Variants in VIM observed in about 807,000 individuals in gnomAD.
The protein encoded by VIM is epididymis secretory sperm binding protein.
In VIM, 18 loss-of-function variants were observed where a neutral mutation model predicts 50.3. That is an observed-to-expected ratio of 0.36 (90% CI 0.25 to 0.53). The LOEUF is 0.53. VIM is among the 20% of genes least tolerant of loss of function. The pLI is 0.91. For missense variants in VIM, 551 were observed against 614.7 expected (o/e 0.90, Z 1.10); for synonymous variants, 245 against 248.5 (o/e 0.99, Z 0.13).
chr10:17,235,789 C>A, intron 7 of VIM, 57 bp from the exon 8 acceptor site: 2 of 1,512,014 alleles, frequency 1.3e-6, no homozygotes, highest in South Asian at 1.1e-5. Flanking sequence ...TTAATTTGTT[C>A]CCAGTGGTTG....
chr10:17,235,557 G>T, intron 7 of VIM, 168 bp downstream of exon 7: 1 of 811,392 alleles, frequency 1.2e-6, no homozygotes, highest in Non-Finnish European at 2.0e-6. Context: ...TAAGTGACTT[G>T]CTGAAAAAGG....
At position 17,236,005 on chromosome 10, in the gene VIM, T is replaced by C; in HGVS notation, c.1273+116T>C. ...AAAAATGCCATATAAGAGAAAACTCTATAAAACATCTATAATTTTCGAACC... is the reference window on the plus strand; with the variant it reads ...AAAAATGCCATATAAGAGAAAACTCCATAAAACATCTATAATTTTCGAACC... On this transcript the variant is annotated intron_variant, in intron 8 of 9. Transcript: ENST00000544301. 3 of 1,156,292 alleles carry C rather than the reference T, an allele frequency of 2.6e-6. No homozygotes were observed. The Admixed American group carries it at 5.8e-5, about 22-fold the overall frequency. The allele number at this position is 1,156,292 out of a possible 1,614,324, so 71.6% of individuals were successfully genotyped here.
At chr10:17,236,259 G>A (rs766896170) in intron 8 of VIM, 35 bp from the exon 9 acceptor site, 65 of 1,525,158 alleles carry the variant, frequency 4.3e-5, no homozygotes, top group Middle Eastern at 1.7e-4. Flanking sequence ...GAAAAAACTC[G>A]TTTTTACTCA....
rs770476760 is a variant in VIM at position 17,229,995 on chromosome 10, C to T, written c.563+10C>T. The T allele has an allele frequency of 6.2e-7, 1 of 1,605,670 alleles. No individual in the cohort carries two copies. Among genetic ancestry groups the T allele is most frequent in the East Asian group, 2.2e-5 (1 of 44,584 alleles). On this transcript the variant is annotated intron_variant, in intron 2 of 9. Transcript: ENST00000544301. Reference sequence around the variant, plus strand: ...TGCGCCTCCGGGAGAAGTAAGGCTGCGCCCATGCAAGTAGCTGGGCCTCGG... The same window carrying T: ...TGCGCCTCCGGGAGAAGTAAGGCTGTGCCCATGCAAGTAGCTGGGCCTCGG...
At chr10:17,230,598 C>A (rs762996660) in intron 2 of VIM, 52 bp from the exon 3 acceptor site, 1 of 1,607,128 alleles carries the variant, frequency 6.2e-7, no homozygotes, top group African/African-American at 1.3e-5. Context: ...TGTGGCCGCC[C>A]CGCCCCTGGC....
chr10:17,237,093 T>C (rs1035345266), intron 9 of VIM, 137 bp from the exon 10 acceptor site: 6 of 792,636 alleles, frequency 7.6e-6, no homozygotes, highest in Admixed American at 4.9e-5. Flanking sequence ...TTTTCACTCA[T>C]GCAGAAGCAA....
At chr10:17,235,016 T>C (rs1846862425) in intron 6 of VIM, 153 bp from the exon 7 acceptor site, 5 of 1,157,450 alleles carry the variant, frequency 4.3e-6, no homozygotes, top group South Asian at 2.6e-5. Context: ...TTGCTTCTAA[T>C]ATGAAGGACT....
rs746135750 is a variant in VIM, at chr10:17,235,275, T to C, written c.1115T>C (p.Met372Thr). Residue 372 changes from methionine to threonine, a missense_variant, in exon 7 of 10, where the codon ATG becomes ACG. Met to Thr is a moderately conservative substitution (Grantham distance 81). Coordinates refer to ENST00000544301, the MANE Select transcript of VIM (RefSeq NM_003380.5). ...CGCCTGCAGGATGAGATTCAGAATA[T>C]GAAGGAGGAAATGGCTCGTCACCTT... ...IGRLQDEIQN[M>T]KEEMARHLRE... The C allele has an allele frequency of 5.6e-6, 9 of 1,614,088 alleles. No individual in the cohort carries two copies. The highest frequency in any genetic ancestry group is 7.6e-6 in the Non-Finnish European group (9 of 1,180,042).
chr10:17,233,572 C>G lies in VIM; in HGVS notation c.625-15C>G. The G allele has an allele frequency of 3.7e-6, 6 of 1,613,244 alleles. No homozygotes were observed. The highest frequency in any genetic ancestry group is 4.2e-6 in the Non-Finnish European group (5 of 1,179,202). On this transcript the variant is annotated splice_polypyrimidine_tract_variant and intron_variant, in intron 3 of 9. Coordinates refer to ENST00000544301, the MANE Select transcript of VIM (RefSeq NM_003380.5). Reference sequence around the variant, plus strand: ...TTACATCCTCCATGTCCTGTCTTTTCTCTGTTCAAAATAGGATGTTGACAA... The same window carrying G: ...TTACATCCTCCATGTCCTGTCTTTTGTCTGTTCAAAATAGGATGTTGACAA...
intron 3 of VIM, among the ~76,000 whole-genome samples, chr10:17,232,918 T>A (rs1174126143): frequency 4.6e-5 from 7 of 152,186 alleles, no homozygotes; most frequent in Non-Finnish European, 1.0e-4. Context: ...TGGCATAGAT[T>A]TTCTAGATTT....
chr10:17,231,813 AT>A lies in VIM; in HGVS notation c.624+1108del, dbSNP rs546904832. Among the ~76,000 whole-genome samples, 86 of 151,616 alleles carry A rather than the reference AT, an allele frequency of 5.7e-4. 1 individual carries two copies. In the South Asian group the frequency reaches 0.017, roughly 30 times the overall value. ...CACCAAAATTAGATGGACTTACAGA[AT>A]TTTTAACTTAAAATTGGAATCCAAA... On this transcript the variant is annotated intron_variant, in intron 3 of 9. Coordinates refer to ENST00000544301, the MANE Select transcript of VIM (RefSeq NM_003380.5).
chr10:17,231,425 G>T (rs946637327), intron 3 of VIM, among the ~76,000 whole-genome samples: 1 of 152,212 alleles, frequency 6.6e-6, no homozygotes, highest in African/African-American at 2.4e-5. Context: ...ACTATGGAAT[G>T]TAGATACAGA....
rs775343323 is a variant in VIM at position 17,229,501 on chromosome 10, A to C, written c.79A>C (p.Ser27Arg). 3 of 1,607,802 alleles carry C rather than the reference A, an allele frequency of 1.9e-6. No individual in the cohort carries two copies. In the African/African-American group the frequency reaches 4.0e-5, roughly 21 times the overall value. The change falls in exon 2 of 10, where the codon AGC becomes CGC. Residue 27 changes from serine (S) to arginine (R), a missense_variant. Ser to Arg is a moderately radical substitution (Grantham distance 110, BLOSUM62 -1). Coordinates refer to ENST00000544301, the MANE Select transcript of VIM (RefSeq NM_003380.5). ...GPGTASRPSS[S>R]RSYVTTSTRT... ...GGGCACCGCGAGCCGGCCGAGCTCC[A>C]GCCGGAGCTACGTGACTACGTCCAC...
At chr10:17,235,800 A>C in intron 7 of VIM, 46 bp from the exon 8 acceptor site, 1 of 1,575,800 alleles carries the variant, frequency 6.3e-7, no homozygotes, top group Non-Finnish European at 8.7e-7. Flanking sequence ...CCAGTGGTTG[A>C]AGTTATTTGC....
chr10:17,234,579 C>T, intron 5 of VIM, 114 bp from the exon 6 acceptor site: 1 of 1,524,924 alleles, frequency 6.6e-7, no homozygotes, highest in Non-Finnish European at 9.0e-7. Context: ...GCTTTCAAAA[C>T]AGAAATTTAA....
intron 7 of VIM, 104 bp from the exon 8 acceptor site, chr10:17,235,742 C>A: frequency 9.2e-7 from 1 of 1,082,554 alleles, no homozygotes; most frequent in Non-Finnish European, 1.4e-6. Flanking sequence ...TGATTTAAAA[C>A]AGTACGTTTT....
At chr10:17,233,995 T>G in intron 5 of VIM, 64 bp downstream of exon 5, 1 of 1,553,976 alleles carries the variant, frequency 6.4e-7, no homozygotes, top group Non-Finnish European at 8.7e-7. Context: ...ACCCCATACC[T>G]GTGTGTGATT....
chr10:17,236,319 G>C lies in VIM; in HGVS notation c.1299G>C (p.Leu433=). 6.2e-7 allele frequency: 1 copy of C among 1,613,710 alleles called. No individual in the cohort carries two copies. The highest frequency in any genetic ancestry group is 1.1e-5 in the South Asian group (1 of 91,068). ...LRETNLDSLP[L]VDTHSKRTLL... is the part of the protein sequence containing the mutation. Reference sequence around the variant, plus strand: ...AAACTAATCTGGATTCACTCCCTCTGGTTGATACCCACTCAAAAAGGACAC... The same window carrying C: ...AAACTAATCTGGATTCACTCCCTCTCGTTGATACCCACTCAAAAAGGACAC... Residue 433 remains leucine, a synonymous_variant, in exon 9 of 10, where the codon CTG becomes CTC. Coordinates refer to ENST00000544301, the MANE Select transcript of VIM (RefSeq NM_003380.5).
In VIM at chr10:17,230,029, TGGAG is replaced by T. The variant is rs1412170192; in HGVS notation, c.563+49_563+52del. On this transcript the variant is annotated intron_variant, in intron 2 of 9. Transcript: ENST00000544301. ...AAGTAGCTGGGCCTCGGGAGGGGGCTGGAGGGAGAGGGGAACGCCCCCCCGGCCC... is the reference window on the plus strand; with the variant it reads ...AAGTAGCTGGGCCTCGGGAGGGGGCTGGAGAGGGGAACGCCCCCCCGGCCC... 3.2e-6 allele frequency: 5 copies of T among 1,565,230 alleles called. No homozygotes were observed. The African/African-American group carries it at 4.1e-5, about 13-fold the overall frequency.
Sources: gnomAD v4.1 joint callset for allele counts (sites outside exome capture counted in the v4.1 genomes callset) on GRCh38, gnomAD v4.1.1 for gene constraint, MANE v1.5 for transcripts, NCBI Gene and HGNC (gene_info 2026-07-23, HGNC 2026-07-21) for gene names.